The following FYB1 variants were observed in gnomAD, a reference collection of about 807,000 sequenced individuals.
The protein encoded by FYB1 is FYN-binding protein 1.
Under a neutral mutation model 94.1 loss-of-function variants are expected in FYB1, and 41 were observed. That is an observed-to-expected ratio of 0.44 (90% CI 0.34 to 0.57). The LOEUF is 0.57. Ranked by LOEUF, FYB1 falls within the 20% of genes least tolerant of loss-of-function variation. The pLI is 0.02. For missense variants in FYB1, 1,050 were observed against 976.8 expected (o/e 1.07, Z -1.00); for synonymous variants, 367 against 353.2 (o/e 1.04, Z -0.44).
chr5:39,182,578 G>A (rs1294999718), intron 2 of FYB1, among the ~76,000 whole-genome samples: 1 of 152,152 alleles, frequency 6.6e-6, no homozygotes, highest in South Asian at 2.1e-4. Flanking sequence ...TACGATTTGG[G>A]AAGGCAGAGC....
intron 1 of FYB1, among the ~76,000 whole-genome samples, chr5:39,241,021 C>T (rs906073232): frequency 2.0e-5 from 3 of 152,162 alleles, no homozygotes; most frequent in African/African-American, 4.8e-5. Context: ...TCTGGAGCAA[C>T]TTGGATGGAG....
chr5:39,207,358 C>T (rs1308740701), intron 1 of FYB1, among the ~76,000 whole-genome samples: 2 of 152,166 alleles, frequency 1.3e-5, no homozygotes, highest in South Asian at 2.1e-4. Flanking sequence ...ATATATTTTG[C>T]CTTTCCTCAG....
chr5:39,198,452 T>C (rs1366694758), intron 2 of FYB1, among the ~76,000 whole-genome samples: 1 of 152,176 alleles, frequency 6.6e-6, no homozygotes, highest in Non-Finnish European at 1.5e-5. Context: ...ATAAACATTT[T>C]GAAAGTCCTT....
intron 2 of FYB1, among the ~76,000 whole-genome samples, chr5:39,175,225 G>A (rs566726449): frequency 6.6e-5 from 10 of 152,310 alleles, no homozygotes; most frequent in African/African-American, 2.4e-4. Flanking sequence ...CTTCTTTAAG[G>A]AGAAACCAAG....
At chr5:39,238,843 C>A (rs1751084644) in intron 1 of FYB1, among the ~76,000 whole-genome samples, 3 of 152,002 alleles carry the variant, frequency 2.0e-5, no homozygotes, top group South Asian at 4.1e-4. Flanking sequence ...GGCTTTAAAC[C>A]ACTTCTCCTT....
chr5:39,118,086 T>G (rs1050849192), intron 16 of FYB1, among the ~76,000 whole-genome samples: 5 of 152,070 alleles, frequency 3.3e-5, no homozygotes, highest in Non-Finnish European at 7.4e-5. Flanking sequence ...TGATTTTTAG[T>G]AAAGACTAGG....
At chr5:39,115,491 A>C (rs1028503756) in intron 16 of FYB1, among the ~76,000 whole-genome samples, 5 of 152,182 alleles carry the variant, frequency 3.3e-5, no homozygotes, top group Admixed American at 3.3e-4. Flanking sequence ...GGGTAAGCCT[A>C]GATGATAAAG....
At position 39,202,243 on chromosome 5, in the gene FYB1, G is replaced by A; in HGVS notation, c.718C>T (p.Pro240Ser). Reference protein sequence around the residue: ...GVRSKSGPLKPAREDSENKDH... With the variant: ...GVRSKSGPLKSAREDSENKDH... Reference sequence around the variant, plus strand: ...TTATTTTCTGAGTCTTCCCTTGCTGGTTTTAAAGGGCCGCTTTTGGACCTG... The same window carrying A: ...TTATTTTCTGAGTCTTCCCTTGCTGATTTTAAAGGGCCGCTTTTGGACCTG... Residue 240 changes from proline (P) to serine (S), a missense_variant, in exon 2 of 19, where the codon CCA (proline) becomes TCA (serine). Transcript: ENST00000512982. 6.2e-7 allele frequency: 1 copy of A among 1,613,912 alleles called. No homozygotes were observed. The highest frequency in any genetic ancestry group is 1.1e-5 in the South Asian group (1 of 91,078).
intron 2 of FYB1, chr5:39,169,430 A>G: frequency 1.3e-6 from 1 of 742,270 alleles, no homozygotes; most frequent in Non-Finnish European, 2.5e-6. Flanking sequence ...CATTAAAAAG[A>G]ACAGGAACAT....
At chr5:39,141,976 C>T (rs1284454048) in intron 3 of FYB1, among the ~76,000 whole-genome samples, 1 of 152,124 alleles carries the variant, frequency 6.6e-6, no homozygotes, top group Non-Finnish European at 1.5e-5. Context: ...CTCCAAGGTG[C>T]TTCATTCCAA....
At position 39,127,727 on chromosome 5, in the gene FYB1, C is replaced by G. The variant is rs370059421; in HGVS notation, c.1907+14G>C. On this transcript the variant is annotated intron_variant, in intron 11 of 18. Transcript: ENST00000512982. ...ATAATAATTTGCAAAAAGCAGTTCACTGATTATTCTTACCCATCATCAGCA... is the reference window on the plus strand; with the variant it reads ...ATAATAATTTGCAAAAAGCAGTTCAGTGATTATTCTTACCCATCATCAGCA... The G allele has an allele frequency of 3.2e-6, 5 of 1,586,652 alleles. No individual in the cohort carries two copies. In the African/African-American group the frequency reaches 5.4e-5, roughly 17 times the overall value.
At chr5:39,207,711 T>C (rs1748984416) in intron 1 of FYB1, among the ~76,000 whole-genome samples, 1 of 152,222 alleles carries the variant, frequency 6.6e-6, no homozygotes, top group African/African-American at 2.4e-5. Flanking sequence ...TTTATTGTTA[T>C]ATTACTCATG....
At position 39,134,193 on chromosome 5, in the gene FYB1, C is replaced by T. The variant is rs4957318; in HGVS notation, c.1817+15G>A. The T allele has an allele frequency of 0.32, 505,804 of 1,587,964 alleles. 89,758 individuals are homozygous for T. The highest frequency in any genetic ancestry group is 0.72 in the African/African-American group (53,420 of 74,156). ...AGACAGTTTGATCTGTTCTACAATA[C>T]GTACTTGCACATACCTGCTAATATC... On this transcript the variant is annotated intron_variant, in intron 9 of 18. Transcript: ENST00000512982.
chr5:39,133,941 TAA>T (rs1741432490), intron 9 of FYB1, among the ~76,000 whole-genome samples: 1 of 152,218 alleles, frequency 6.6e-6, no homozygotes, highest in African/African-American at 2.4e-5. Context: ...ATGAACATTA[TAA>T]AAGTGTTTTA....
chr5:39,160,243 C>T (rs1262715484), intron 2 of FYB1, among the ~76,000 whole-genome samples: 4 of 152,314 alleles, frequency 2.6e-5, no homozygotes, highest in Admixed American at 6.5e-5. Flanking sequence ...AAGCATCTGA[C>T]ACATGGTATG....
intron 3 of FYB1, among the ~76,000 whole-genome samples, chr5:39,144,194 A>T (rs11956766): frequency 0.16 from 24,314 of 152,194 alleles, 2,365 homozygotes; most frequent in Non-Finnish European, 0.22. Context: ...ATTTTAGCTG[A>T]AACATTAAGG....
intron 1 of FYB1, among the ~76,000 whole-genome samples, chr5:39,272,632 A>C (rs1752698370): frequency 6.9e-6 from 1 of 143,976 alleles, no homozygotes; most frequent in South Asian, 2.2e-4. Flanking sequence ...AGATTGCGCC[A>C]CTGCACTCCA....
chr5:39,241,916 T>A (rs1751227941), intron 1 of FYB1, among the ~76,000 whole-genome samples: 1 of 152,106 alleles, frequency 6.6e-6, no homozygotes, highest in Admixed American at 6.6e-5. Flanking sequence ...TCTTGTAAAC[T>A]TACATTAGAG....
At chr5:39,198,013 A>G (rs1413032300) in intron 2 of FYB1, among the ~76,000 whole-genome samples, 3 of 152,192 alleles carry the variant, frequency 2.0e-5, no homozygotes, top group Non-Finnish European at 4.4e-5. Context: ...TTATACTATA[A>G]GATGATCAGA....
Sources: gnomAD v4.1 joint callset for allele counts (sites outside exome capture counted in the v4.1 genomes callset) on GRCh38, gnomAD v4.1.1 for gene constraint, MANE v1.5 for transcripts, NCBI Gene and HGNC (gene_info 2026-07-23, HGNC 2026-07-21) for gene names.